The following BICC1 variants were observed in gnomAD, a reference collection of about 807,000 sequenced individuals.
The protein encoded by BICC1 is BicC family RNA binding protein 1.
In BICC1, 43 loss-of-function variants were observed where a neutral mutation model predicts 111.0. The observed-to-expected ratio is 0.39, with a 90% CI of 0.30 to 0.50. BICC1 has a LOEUF of 0.50. Ranked by LOEUF, BICC1 falls within the 20% of genes least tolerant of loss-of-function variation. The pLI, the probability that BICC1 is intolerant of heterozygous loss-of-function variation, is 0.88. For synonymous variants in BICC1, 467 were observed against 434.4 expected (o/e 1.07, Z -0.93); for missense variants, 1,091 against 1,203.2 (o/e 0.91, Z 1.38).
intron 1 of BICC1, among the ~76,000 whole-genome samples, chr10:58,572,477 A>G (rs920418377): frequency 6.6e-6 from 1 of 152,144 alleles, no homozygotes; most frequent in African/African-American, 2.4e-5. Flanking sequence ...ATTTTTATAG[A>G]TGATCTTGTT....
intron 2 of BICC1, among the ~76,000 whole-genome samples, chr10:58,676,726 C>T (rs1839354260): frequency 6.6e-6 from 1 of 152,200 alleles, no homozygotes; most frequent in African/African-American, 2.4e-5. Context: ...TCAAGTGGGT[C>T]TCTGACCCCC....
chr10:58,658,629 A>C (rs1317955518), intron 2 of BICC1, among the ~76,000 whole-genome samples: 2 of 152,078 alleles, frequency 1.3e-5, no homozygotes, highest in African/African-American at 4.8e-5. Flanking sequence ...TTATTCGTTT[A>C]ATGGGTTTAT....
chr10:58,527,301 T>A, intron 1 of BICC1, among the ~76,000 whole-genome samples: 1 of 152,186 alleles, frequency 6.6e-6, no homozygotes, highest in East Asian at 1.9e-4. Context: ...GTTTAAGTTC[T>A]TTGTAGATTC....
At chr10:58,533,108 G>C (rs1329955952) in intron 1 of BICC1, among the ~76,000 whole-genome samples, 1 of 151,784 alleles carries the variant, frequency 6.6e-6, no homozygotes, top group Non-Finnish European at 1.5e-5. Context: ...AGAGTGTTTT[G>C]AGAAACCCAA....
intron 1 of BICC1, among the ~76,000 whole-genome samples, chr10:58,564,002 T>A (rs1052716698): frequency 6.6e-6 from 1 of 152,234 alleles, no homozygotes; most frequent in Admixed American, 6.5e-5. Context: ...AGTCTTGTGA[T>A]ATTTTGTGAT....
intron 18 of BICC1, 61 bp downstream of exon 18, chr10:58,814,047 G>T: frequency 1.9e-6 from 3 of 1,590,436 alleles, no homozygotes; most frequent in Non-Finnish European, 2.6e-6. Context: ...GTTTATTTGG[G>T]TTGGAGTATC....
intron 1 of BICC1, among the ~76,000 whole-genome samples, chr10:58,611,624 C>T (rs1042309349): frequency 1.2e-4 from 18 of 151,668 alleles, no homozygotes; most frequent in African/African-American, 4.1e-4. Flanking sequence ...TACAGGCATG[C>T]TCTACCACTC....
chr10:58,642,760 A>AGTT (rs1201525719), intron 2 of BICC1, among the ~76,000 whole-genome samples: 2 of 151,968 alleles, frequency 1.3e-5, no homozygotes, highest in Non-Finnish European at 2.9e-5. Context: ...GTTGGAGTGC[A>AGTT]GTGATGTGAT....
chr10:58,555,306 A>AT (rs61692850), intron 1 of BICC1, among the ~76,000 whole-genome samples: 2,093 of 102,402 alleles, frequency 0.02, 93 homozygotes, highest in East Asian at 0.056. Flanking sequence ...GCTGTTGGAC[A>AT]TTTTTTTTTT....
chr10:58,566,287 A>T (rs375052075), intron 1 of BICC1, among the ~76,000 whole-genome samples: 1 of 40,142 alleles, frequency 2.5e-5, no homozygotes, highest in Non-Finnish European at 6.7e-5. Flanking sequence ...TATAGATACA[A>T]ACATGTACAC....
intron 1 of BICC1, among the ~76,000 whole-genome samples, chr10:58,614,830 G>A (rs1845547642): frequency 6.6e-6 from 1 of 152,158 alleles, no homozygotes; most frequent in African/African-American, 2.4e-5. Flanking sequence ...TGAATTCTAA[G>A]TTGTGAAGGA....
At chr10:58,796,280 C>A in intron 9 of BICC1, 60 bp from the exon 10 acceptor site, 1 of 1,427,638 alleles carries the variant, frequency 7.0e-7, no homozygotes, top group African/African-American at 1.4e-5. Flanking sequence ...CCCTCCCCTC[C>A]CCCATTCATT....
chr10:58,733,050 AC>A (rs1841365380), intron 3 of BICC1, among the ~76,000 whole-genome samples: 1 of 152,034 alleles, frequency 6.6e-6, no homozygotes, highest in African/African-American at 2.4e-5. Context: ...AACAAAAAAT[AC>A]AGTATCTATA....
chr10:58,815,935 C>T (rs1844073274), intron 18 of BICC1, among the ~76,000 whole-genome samples: 1 of 151,966 alleles, frequency 6.6e-6, no homozygotes, highest in Non-Finnish European at 1.5e-5. Context: ...ATTTTCATTC[C>T]CACTAGGCTC....
intron 2 of BICC1, among the ~76,000 whole-genome samples, chr10:58,682,518 C>T (rs1413597278): frequency 2.0e-5 from 3 of 152,170 alleles, no homozygotes. Context: ...TCCACATCCT[C>T]TCCAGCACCT....
At chr10:58,606,620 A>G (rs1845224092) in intron 1 of BICC1, among the ~76,000 whole-genome samples, 1 of 152,178 alleles carries the variant, frequency 6.6e-6, no homozygotes, top group South Asian at 2.1e-4. Context: ...CTCTCTTGTC[A>G]TATACCATCT....
chr10:58,701,977 T>G (rs1840251773), intron 2 of BICC1, 97 bp from the exon 3 acceptor site: 1 of 867,108 alleles, frequency 1.2e-6, no homozygotes, highest in South Asian at 1.7e-5. Context: ...GAACATGAAC[T>G]TAGGAACTTG....
At chr10:58,593,848 G>A (rs1844718497) in intron 1 of BICC1, among the ~76,000 whole-genome samples, 1 of 152,036 alleles carries the variant, frequency 6.6e-6, no homozygotes, top group African/African-American at 2.4e-5. Flanking sequence ...TTGCCAGCAA[G>A]GGAACAAAAC....
At chr10:58,794,896 A>T (rs1414951348) in intron 9 of BICC1, among the ~76,000 whole-genome samples, 1 of 152,194 alleles carries the variant, frequency 6.6e-6, no homozygotes, top group Non-Finnish European at 1.5e-5. Flanking sequence ...ACACTCTGAA[A>T]ACACCTTTGC....
Sources: allele counts gnomAD v4.1 joint callset (sites outside exome capture counted in the v4.1 genomes callset), GRCh38; gene constraint gnomAD v4.1.1; transcripts MANE v1.5; gene names NCBI Gene and HGNC (gene_info 2026-07-23, HGNC 2026-07-21).